TTN: variants seen among roughly 807,000 people sequenced by gnomAD.
TTN encodes the protein titin, also known as connectin.
TTN carries 1,525 observed loss-of-function variants against 3,223.0 expected under a neutral mutation model. The ratio of observed to expected loss-of-function variants is 0.47; its 90% CI spans 0.45 to 0.49. TTN has a LOEUF of 0.49. Among genes scored for constraint, TTN ranks in the 20% least tolerant of loss-of-function variants. The pLI is 0.00. For missense variants in TTN, 40,786 were observed against 43,424.0 expected (o/e 0.94, Z 5.40); for synonymous variants, 14,094 against 15,161.0 (o/e 0.93, Z 5.17).
intron 6 of TTN, among the ~76,000 whole-genome samples, chr2:178,798,225 T>C (rs1574964735): frequency 6.6e-6 from 1 of 152,180 alleles, no homozygotes; most frequent in African/African-American, 2.4e-5. Context: ...AAAATTTTCT[T>C]GGCAGGGAAC....
intron 112 of TTN, among the ~76,000 whole-genome samples, chr2:178,698,529 TAAAAA>T (rs2074136540): frequency 1.3e-5 from 2 of 150,432 alleles, no homozygotes; most frequent in Non-Finnish European, 3.0e-5. Context: ...TACAATAAAA[TAAAAA>T]AGAAAAAAAA....
In TTN at chr2:178,664,841, G is replaced by A. The variant is rs756719045; in HGVS notation, c.36118+11C>T. On this transcript the variant is annotated intron_variant, in intron 166 of 362. Coordinates refer to ENST00000589042, the MANE Select transcript of TTN (RefSeq NM_001267550.2). ...GCTAGTTCTTGACCCTGAGAGCATG[G>A]TGACTTGTACCTTTAACTGATGGGG... The A allele has an allele frequency of 1.2e-6, 2 of 1,611,288 alleles. No individual in the cohort carries two copies. Among genetic ancestry groups the A allele is most frequent in the East Asian group, 4.5e-5 (2 of 44,822 alleles).
chr2:178,799,253 A>G (rs2093926603), intron 6 of TTN: 2 of 580,014 alleles, frequency 3.4e-6, no homozygotes, highest in South Asian at 3.9e-5. Flanking sequence ...CTATGCCTAT[A>G]AAAACCCCTG....
At chr2:178,597,451 T>C in intron 294 of TTN, 87 bp downstream of exon 294, 1 of 1,415,000 alleles carries the variant, frequency 7.1e-7, no homozygotes, top group Non-Finnish European at 9.5e-7. Context: ...TCCAAAATGT[T>C]TGTTACACAG....
At position 178,664,014 on chromosome 2, in the gene TTN, C is replaced by T; in HGVS notation, c.36364+1G>A. 6.2e-7 allele frequency: 1 copy of T among 1,613,164 alleles called. No individual in the cohort carries two copies. Among genetic ancestry groups the T allele is most frequent in the Non-Finnish European group, 8.5e-7 (1 of 1,179,682 alleles). Reference sequence around the variant, plus strand: ...TGAAGCCTAAAGTCAGTGACAAATACCTTTAACAGGTGGGACTTCAGGCTT... The same window carrying T: ...TGAAGCCTAAAGTCAGTGACAAATATCTTTAACAGGTGGGACTTCAGGCTT... On this transcript the variant is annotated splice_donor_variant, in intron 169 of 362. Transcript: ENST00000589042. LOFTEE classifies it high-confidence loss of function.
chr2:178,779,300 T>C lies in TTN; in HGVS notation c.3892A>G (p.Lys1298Glu). The C allele has an allele frequency of 6.2e-7, 1 of 1,613,794 alleles. No homozygotes were observed. Among genetic ancestry groups the C allele is most frequent in the Non-Finnish European group, 8.5e-7 (1 of 1,179,780 alleles). ...ATCCCCTCAAGAATTCTATAATTCT[T>C]GATTCTTGAATCAAATCCTGATTCA... The part of the protein sequence containing the change: ...AVESGFDSRI[K>E]NYRILEGMGV... Residue 1298 changes from lysine to glutamate, a missense_variant, in exon 23 of 363, where the codon AAG (lysine) becomes GAG (glutamate). Lys to Glu is a moderately conservative substitution (Grantham distance 56, BLOSUM62 1). Transcript: ENST00000589042.
intron 9 of TTN, among the ~76,000 whole-genome samples, chr2:178,792,997 G>C (rs2093592083): frequency 6.6e-6 from 1 of 152,198 alleles, no homozygotes; most frequent in Non-Finnish European, 1.5e-5. Flanking sequence ...TCTTCCGAAG[G>C]AGCCAGGAAG....
chr2:178,585,296 T>A lies in TTN; in HGVS notation c.64448A>T (p.Lys21483Ile). Reference sequence around the variant, plus strand: ...ATACACATGGGCTTCAATTCGGAGTTTTTTCCCAGCTTTGATAGTTATTTG... The same window carrying A: ...ATACACATGGGCTTCAATTCGGAGTATTTTCCCAGCTTTGATAGTTATTTG... The part of the protein sequence containing the change: ...PEQITIKAGK[K>I]LRIEAHVYGK... Residue 21483 changes from lysine to isoleucine, a missense_variant, in exon 309 of 363, where the codon AAA (lysine) becomes ATA (isoleucine). Physicochemically the swap from Lys to Ile is moderately radical, Grantham distance 102. Transcript: ENST00000589042. The A allele has an allele frequency of 6.2e-7, 1 of 1,611,362 alleles. No homozygotes were observed. The highest frequency in any genetic ancestry group is 1.3e-5 in the African/African-American group (1 of 74,822).
chr2:178,626,161 T>C (rs2059014479), intron 240 of TTN, among the ~76,000 whole-genome samples: 1 of 152,036 alleles, frequency 6.6e-6, no homozygotes, highest in African/African-American at 2.4e-5. Context: ...GTAAGGTGTT[T>C]GCCATGCAAC....
Position 178,789,456 on chromosome 2 carries a change from T to C in TTN, c.1980A>G (p.Ala660=). The part of the protein sequence containing the change: ...EAEKTALSTI[A]VATAKAKEQE... ...GTTCTTTGGCTTTAGCAGTAGCAAC[T>C]GCTATTGTAGACAAGGCAGTTTTCT... The change falls in exon 13 of 363, where the codon GCA becomes GCG. Residue 660 remains alanine (A), a synonymous_variant. Coordinates refer to ENST00000589042, the MANE Select transcript of TTN (RefSeq NM_001267550.2). 1.2e-6 allele frequency: 2 copies of C among 1,613,544 alleles called. No individual in the cohort carries two copies. Among genetic ancestry groups the C allele is most frequent in the East Asian group, 2.2e-5 (1 of 44,808 alleles).
Position 178,784,079 on chromosome 2 carries a change from G to T in TTN, c.2766C>A (p.Arg922=), listed in dbSNP as rs372617952. The change falls in exon 16 of 363, where the codon CGC becomes CGA. Residue 922 remains arginine (R), a synonymous_variant. Coordinates refer to ENST00000589042, the MANE Select transcript of TTN (RefSeq NM_001267550.2). The part of the protein sequence containing the change: ...REERFEVLHG[R]EAKVTETARV... Reference sequence around the variant, plus strand: ...GTAACCAGTGACCAACCTTGGCTTCGCGTCCGTGCAGTACTTCAAAGCGCT... The same window carrying T: ...GTAACCAGTGACCAACCTTGGCTTCTCGTCCGTGCAGTACTTCAAAGCGCT... The T allele has an allele frequency of 6.2e-7, 1 of 1,613,094 alleles. No homozygotes were observed. Among genetic ancestry groups the T allele is most frequent in the African/African-American group, 1.3e-5 (1 of 74,988 alleles).
intron 303 of TTN, 44 bp from the exon 304 acceptor site, chr2:178,591,548 T>C (rs967317644): frequency 1.3e-5 from 20 of 1,587,956 alleles, no homozygotes; most frequent in African/African-American, 5.5e-5. Context: ...TTTTCACCTA[T>C]ATGAATAATT....
In TTN at chr2:178,629,306, C is replaced by T. The variant is rs753053245; in HGVS notation, c.44419G>A (p.Asp14807Asn). Reference protein sequence around the residue: ...YLKGKKLEPSDKVVPRSEGKV... With the variant: ...YLKGKKLEPSNKVVPRSEGKV... The stretch of plus-strand genomic sequence containing the variant: ...AAGGCATGCCTGCTTTTTACCTTAT[C>T]GCTGGGCTCTAGTTTCTTCCCTTTG... The change falls in exon 240 of 363, where the codon GAT becomes AAT. Residue 14807 changes from aspartate (D) to asparagine (N), a missense_variant. Coordinates refer to ENST00000589042, the MANE Select transcript of TTN (RefSeq NM_001267550.2). 42 of 1,612,194 alleles carry T rather than the reference C, an allele frequency of 2.6e-5. No homozygotes were observed. The highest frequency in any genetic ancestry group is 5.5e-5 in the South Asian group (5 of 90,956).
Position 178,633,642 on chromosome 2 carries a change from G to A in TTN, c.42717C>T (p.Asp14239=). 1 of 1,612,920 alleles carries A rather than the reference G, an allele frequency of 6.2e-7. No homozygotes were observed. Among genetic ancestry groups the A allele is most frequent in the Non-Finnish European group, 8.5e-7 (1 of 1,179,474 alleles). ...TCTCATCCTTCTCCACTGCAGTTTTGTCATGTAATTTCACAGTGAAGTAGG... is the reference window on the plus strand; with the variant it reads ...TCTCATCCTTCTCCACTGCAGTTTTATCATGTAATTTCACAGTGAAGTAGG... ...ADPYFTVKLH[D]KTAVEKDEIT... Residue 14239 remains aspartate, a synonymous_variant, in exon 232 of 363, where the codon GAC becomes GAT. Coordinates refer to ENST00000589042, the MANE Select transcript of TTN (RefSeq NM_001267550.2).
In TTN at chr2:178,739,829, G is replaced by A; in HGVS notation, c.13404C>T (p.Asn4468=). ...AAGCATCCCTAAGTTCCATTTTCAGGTTAGCCATTTGAGGATCAACATCTT... is the reference window on the plus strand; with the variant it reads ...AAGCATCCCTAAGTTCCATTTTCAGATTAGCCATTTGAGGATCAACATCTT... The part of the protein sequence containing the change: ...IIEDVDPQMA[N]LKMELRDALC... Residue 4468 remains asparagine, a synonymous_variant, in exon 48 of 363, where the codon AAC becomes AAT. Transcript: ENST00000589042. The A allele has an allele frequency of 6.8e-6, 11 of 1,613,756 alleles. No individual in the cohort carries two copies. The highest frequency in any genetic ancestry group is 9.3e-6 in the Non-Finnish European group (11 of 1,179,808).
chr2:178,725,704 G>C, intron 70 of TTN, 55 bp from the exon 71 acceptor site: 1 of 1,548,926 alleles, frequency 6.5e-7, no homozygotes, highest in Non-Finnish European at 8.7e-7. Flanking sequence ...GATCATGCGA[G>C]AGTGAAAAAA....
At position 178,529,089 on chromosome 2, in the gene TTN, C is replaced by T. The variant is rs753862749; in HGVS notation, c.106662G>A (p.Glu35554=). ...GGGCTAACTTTTCTTGAGATTTTGC[C>T]TCTGACATCTTAATTTCTTCAGACC... ...ALRSEEIKMS[E]AKSQEKLALK... is the part of the protein sequence containing the mutation. Residue 35554 remains glutamate (E), a synonymous_variant, in exon 360 of 363, where the codon GAG becomes GAA. Coordinates refer to ENST00000589042, the MANE Select transcript of TTN (RefSeq NM_001267550.2). The T allele has an allele frequency of 1.2e-6, 2 of 1,612,564 alleles. No individual in the cohort carries two copies. The highest frequency in any genetic ancestry group is 1.7e-6 in the Non-Finnish European group (2 of 1,179,326).
At position 178,591,228 on chromosome 2, in the gene TTN, A is replaced by T; in HGVS notation, c.60497T>A (p.Leu20166His). 2 of 1,613,448 alleles carry T rather than the reference A, an allele frequency of 1.2e-6. No homozygotes were observed. The highest frequency in any genetic ancestry group is 1.7e-6 in the Non-Finnish European group (2 of 1,179,564). The change falls in exon 304 of 363, where the codon CTT (leucine) becomes CAT (histidine). Residue 20166 changes from leucine (L) to histidine (H), a missense_variant. Coordinates refer to ENST00000589042, the MANE Select transcript of TTN (RefSeq NM_001267550.2). ...AAGSKTVAVH[L>H]TVLDVPGPPT... ...TGGCCCAGGAACATCAAGAACAGTAAGATGTACGGCTACTGTTTTGCTACC... is the reference window on the plus strand; with the variant it reads ...TGGCCCAGGAACATCAAGAACAGTATGATGTACGGCTACTGTTTTGCTACC...
intron 88 of TTN, among the ~76,000 whole-genome samples, 188 bp from the exon 89 acceptor site, chr2:178,715,962 G>T (rs2077421251): frequency 6.6e-6 from 1 of 152,116 alleles, no homozygotes; most frequent in East Asian, 1.9e-4. Context: ...GCTTGTTTTT[G>T]TAAGCATCCA....
Sources: allele counts gnomAD v4.1 joint callset (sites outside exome capture counted in the v4.1 genomes callset), GRCh38; gene constraint gnomAD v4.1.1; transcripts MANE v1.5; gene names NCBI Gene and HGNC (gene_info 2026-07-23, HGNC 2026-07-21).